SGCZ: variants seen among roughly 807,000 people sequenced by gnomAD.
SGCZ encodes zeta-sarcoglycan.
Under a neutral mutation model 41.3 loss-of-function variants are expected in SGCZ, and 40 were observed. That is an observed-to-expected ratio of 0.97 (90% CI 0.75 to 1.26). The LOEUF is 1.26. SGCZ is among the 50% of genes most tolerant of loss of function. The pLI is 0.00. For synonymous variants in SGCZ, 206 were observed against 137.5 expected, an observed-to-expected ratio of 1.50 and a Z score of -3.49; for missense variants, 552 against 369.8, an observed-to-expected ratio of 1.49 and a Z score of -4.04.
intron 2 of SGCZ, among the ~76,000 whole-genome samples, chr8:14,429,605 T>C (rs535113046): frequency 1.3e-5 from 2 of 152,284 alleles, no homozygotes; most frequent in South Asian, 4.1e-4. Context: ...ATATCTTCTT[T>C]GCAGATGAAA....
intron 3 of SGCZ, among the ~76,000 whole-genome samples, chr8:14,239,808 A>G (rs1318816424): frequency 7.1e-6 from 1 of 139,926 alleles, no homozygotes; most frequent in Non-Finnish European, 1.5e-5. Context: ...AGGCTGAGGC[A>G]GGAGAATGGC....
intron 4 of SGCZ, among the ~76,000 whole-genome samples, chr8:14,220,731 G>C (rs180679564): frequency 2.0e-4 from 31 of 152,114 alleles, no homozygotes; most frequent in African/African-American, 7.2e-4. Flanking sequence ...AGCTTGCAGT[G>C]AGCTGAGATG....
At chr8:14,818,864 A>T (rs1490633595) in intron 1 of SGCZ, among the ~76,000 whole-genome samples, 1 of 152,220 alleles carries the variant, frequency 6.6e-6, no homozygotes, top group South Asian at 2.1e-4. Context: ...TTTTAAAAAT[A>T]ATCTAGTGAT....
chr8:14,372,333 A>C (rs544356254), intron 2 of SGCZ, among the ~76,000 whole-genome samples: 1 of 152,332 alleles, frequency 6.6e-6, no homozygotes, highest in African/African-American at 2.4e-5. Flanking sequence ...TTATAAAGAA[A>C]CATCAGAAAA....
At chr8:14,874,058 C>A (rs1329889672) in intron 1 of SGCZ, among the ~76,000 whole-genome samples, 1 of 152,072 alleles carries the variant, frequency 6.6e-6, no homozygotes, top group Non-Finnish European at 1.5e-5. Context: ...ACTTTTAGAA[C>A]TTTGAAGATA....
chr8:14,688,167 T>A (rs1052008289), intron 1 of SGCZ, among the ~76,000 whole-genome samples: 9 of 152,286 alleles, frequency 5.9e-5, no homozygotes, highest in Admixed American at 3.9e-4. Context: ...TGATGGTAGT[T>A]TCTTTTGCTG....
At chr8:14,254,100 G>A (rs1270382748) in intron 3 of SGCZ, among the ~76,000 whole-genome samples, 1 of 151,950 alleles carries the variant, frequency 6.6e-6, no homozygotes, top group East Asian at 1.9e-4. Context: ...TCCATTAACA[G>A]AACTGAAGAC....
intron 1 of SGCZ, among the ~76,000 whole-genome samples, chr8:14,965,828 A>G (rs1284295222): frequency 6.6e-6 from 1 of 152,142 alleles, no homozygotes; most frequent in African/African-American, 2.4e-5. Context: ...AAGATATATC[A>G]TAAACTACAG....
intron 1 of SGCZ, among the ~76,000 whole-genome samples, chr8:14,558,426 T>A (rs749848835): frequency 6.6e-6 from 1 of 151,872 alleles, no homozygotes; most frequent in Admixed American, 6.6e-5. Context: ...AATATAAAAA[T>A]TAGCTGGGTG....
chr8:14,551,582 T>A (rs931215876), intron 2 of SGCZ, among the ~76,000 whole-genome samples: 1 of 26,654 alleles, frequency 3.8e-5, no homozygotes, highest in Non-Finnish European at 5.9e-5. Flanking sequence ...ATATATATAA[T>A]ATATATAATA....
In SGCZ at chr8:15,237,253, C is replaced by CCCG. The variant is rs1802158008; in HGVS notation, c.39+331_39+332insCGG. On this transcript the variant is annotated intron_variant, in intron 1 of 7. Transcript: ENST00000382080. ...ACAGCGGGCAGAGCTGGTGCCGCTG[C>CCCG]CCCCCCCGGGGAGACGAGCCGGCAA... Among the ~76,000 whole-genome samples the CCCG allele has an allele frequency of 2.8e-4, 10 of 35,516 alleles. No individual in the cohort carries two copies. The South Asian group carries it at 5.2e-3, about 18-fold the overall frequency. 23.3% of individuals were successfully genotyped at this position (35,516 alleles called of 152,430 possible).
intron 1 of SGCZ, among the ~76,000 whole-genome samples, chr8:14,570,556 CCTT>C (rs1448691581): frequency 1.9e-4 from 29 of 152,140 alleles, no homozygotes; most frequent in South Asian, 6.2e-4. Flanking sequence ...TAGAGCTTTT[CCTT>C]CTTCATCATG....
At chr8:14,958,130 G>C (rs1021498149) in intron 1 of SGCZ, among the ~76,000 whole-genome samples, 3 of 151,784 alleles carry the variant, frequency 2.0e-5, no homozygotes, top group Admixed American at 2.0e-4. Context: ...GGGTCCTCTG[G>C]ACTTTTTTAT....
chr8:14,350,844 T>C (rs556214127), intron 2 of SGCZ, among the ~76,000 whole-genome samples: 1 of 152,318 alleles, frequency 6.6e-6, no homozygotes, highest in South Asian at 2.1e-4. Flanking sequence ...ACTTGCATTA[T>C]TATTGTATCG....
At chr8:14,908,562 C>T (rs1222205979) in intron 1 of SGCZ, among the ~76,000 whole-genome samples, 1 of 151,928 alleles carries the variant, frequency 6.6e-6, no homozygotes, top group African/African-American at 2.4e-5. Flanking sequence ...CCAGCCTGAC[C>T]AACATGGTGA....
intron 2 of SGCZ, among the ~76,000 whole-genome samples, chr8:14,497,865 G>C (rs980126400): frequency 6.6e-5 from 10 of 152,084 alleles, no homozygotes; most frequent in Admixed American, 6.6e-4. Context: ...TTAGGTTGTA[G>C]GGCATGCATA....
At chr8:14,431,733 T>C (rs7013302) in intron 2 of SGCZ, among the ~76,000 whole-genome samples, 136,895 of 152,232 alleles carry the variant, frequency 0.9, 61,860 homozygotes, top group Middle Eastern at 0.95. Flanking sequence ...AAAGAACAGT[T>C]AGTAAAAAGA....
At chr8:15,101,200 T>A (rs895223434) in intron 1 of SGCZ, among the ~76,000 whole-genome samples, 10 of 152,282 alleles carry the variant, frequency 6.6e-5, no homozygotes, top group Non-Finnish European at 1.5e-5. Context: ...GGGATAACTT[T>A]TGAACACACC....
chr8:14,986,050 G>A (rs1563412270), intron 1 of SGCZ, among the ~76,000 whole-genome samples: 1 of 151,866 alleles, frequency 6.6e-6, no homozygotes, highest in African/African-American at 2.4e-5. Flanking sequence ...TTGATATTAT[G>A]CATTACAGTA....
Sources: allele counts gnomAD v4.1 joint callset (sites outside exome capture counted in the v4.1 genomes callset), GRCh38; gene constraint gnomAD v4.1.1; transcripts MANE v1.5; gene names NCBI Gene and HGNC (gene_info 2026-07-23, HGNC 2026-07-21).